The following ZPLD1 variants were observed in gnomAD, a reference collection of about 807,000 sequenced individuals.
ZPLD1 encodes the protein zona pellucida like domain containing 1.
Under a neutral mutation model 47.2 loss-of-function variants are expected in ZPLD1, and 34 were observed. The ratio of observed to expected loss-of-function variants is 0.72; its 90% CI spans 0.55 to 0.96. ZPLD1 has a LOEUF of 0.96. Ranked by LOEUF, ZPLD1 falls within the 40% of genes least tolerant of loss-of-function variation. The pLI, the probability that ZPLD1 is intolerant of heterozygous loss-of-function variation, is 0.00. For missense variants in ZPLD1, 512 were observed against 505.8 expected, an observed-to-expected ratio of 1.01 and a Z score of -0.12; for synonymous variants, 176 against 186.2, an observed-to-expected ratio of 0.95 and a Z score of 0.45.
chr3:102,460,051 A>G (rs1707482495), intron 6 of ZPLD1, among the ~76,000 whole-genome samples: 1 of 152,060 alleles, frequency 6.6e-6, no homozygotes, highest in Admixed American at 6.5e-5. Flanking sequence ...AAAATTAGTA[A>G]TTTACCCTAG....
At chr3:102,395,282 A>G (rs1706544601) in intron 7 of ZPLD1, among the ~76,000 whole-genome samples, 1 of 152,178 alleles carries the variant, frequency 6.6e-6, no homozygotes, top group Non-Finnish European at 1.5e-5. Context: ...ATATAAAAAT[A>G]TATATACGTA....
intron 3 of ZPLD1, among the ~76,000 whole-genome samples, chr3:102,451,220 A>G (rs998144566): frequency 1.3e-5 from 2 of 152,236 alleles, no homozygotes; most frequent in East Asian, 1.9e-4. Context: ...CTCTAAAGAG[A>G]TAATGCTATT....
At chr3:102,445,817 A>G (rs540223518) in intron 3 of ZPLD1, among the ~76,000 whole-genome samples, 3 of 152,364 alleles carry the variant, frequency 2.0e-5, no homozygotes, top group Admixed American at 2.0e-4. Context: ...ACTGTTAAAA[A>G]TTCATTTTTA....
At chr3:102,427,911 A>T (rs936287472) in intron 8 of ZPLD1, among the ~76,000 whole-genome samples, 6 of 152,196 alleles carry the variant, frequency 3.9e-5, no homozygotes, top group Admixed American at 1.3e-4. Context: ...CTACCCCTAG[A>T]TCATAAAGAT....
chr3:102,441,185 G>C (rs961584578), intron 3 of ZPLD1, among the ~76,000 whole-genome samples: 1 of 152,184 alleles, frequency 6.6e-6, no homozygotes, highest in African/African-American at 2.4e-5. Flanking sequence ...GATCTGACTG[G>C]TGTGGTAGTT....
At chr3:102,440,234 G>T (rs1000572836) in intron 3 of ZPLD1, among the ~76,000 whole-genome samples, 2 of 152,112 alleles carry the variant, frequency 1.3e-5, no homozygotes, top group African/African-American at 4.8e-5. Context: ...TTTGTTTTAG[G>T]AAGAGACATT....
chr3:102,451,293 C>T (rs1361431634), intron 3 of ZPLD1, among the ~76,000 whole-genome samples: 1 of 152,142 alleles, frequency 6.6e-6, no homozygotes, highest in African/African-American at 2.4e-5. Context: ...TGCTAAAAAA[C>T]TTGAATGAAA....
intron 2 of ZPLD1, among the ~76,000 whole-genome samples, chr3:102,438,024 A>C (rs1017185636): frequency 6.6e-6 from 1 of 152,212 alleles, no homozygotes; most frequent in Non-Finnish European, 1.5e-5. Flanking sequence ...TTATTTGGTC[A>C]TTAAGATTAT....
At chr3:102,447,256 G>C (rs1230580470) in intron 3 of ZPLD1, among the ~76,000 whole-genome samples, 2 of 152,000 alleles carry the variant, frequency 1.3e-5, no homozygotes, top group Admixed American at 6.6e-5. Flanking sequence ...AGTAGAAATG[G>C]GGTTTCACCA....
chr3:102,394,880 G>C (rs1489287208), intron 7 of ZPLD1, among the ~76,000 whole-genome samples: 1 of 152,138 alleles, frequency 6.6e-6, no homozygotes, highest in Non-Finnish European at 1.5e-5. Flanking sequence ...CTTTTTAAGA[G>C]GGTAGACTCT....
chr3:102,392,735 A>G (rs1706511486), intron 7 of ZPLD1, among the ~76,000 whole-genome samples: 1 of 152,140 alleles, frequency 6.6e-6, no homozygotes, highest in African/African-American at 2.4e-5. Context: ...CCACCTCTCA[A>G]TATTGCCACA....
upstream of ZPLD1, among the ~76,000 whole-genome samples, chr3:102,431,999 C>G (rs942745634): frequency 3.3e-5 from 5 of 152,196 alleles, no homozygotes; most frequent in Non-Finnish European, 1.5e-5. Flanking sequence ...CATCATGATT[C>G]TTAGCTGGGC....
intron 6 of ZPLD1, among the ~76,000 whole-genome samples, chr3:102,389,394 G>T (rs1197069194): frequency 6.6e-6 from 1 of 152,086 alleles, no homozygotes; most frequent in Non-Finnish European, 1.5e-5. Flanking sequence ...CTTTCTGTCA[G>T]ACTCCTCTAA....
chr3:102,419,321 T>C (rs1217853583), intron 8 of ZPLD1, among the ~76,000 whole-genome samples: 1 of 151,954 alleles, frequency 6.6e-6, no homozygotes, highest in African/African-American at 2.4e-5. Context: ...AGTTTCCCTA[T>C]GTAAGTTTTT....
intron 3 of ZPLD1, among the ~76,000 whole-genome samples, chr3:102,446,414 A>C (rs1471582057): frequency 6.6e-6 from 1 of 152,164 alleles, no homozygotes; most frequent in Admixed American, 6.5e-5. Context: ...AGCTATTACT[A>C]TTATTATTGA....
chr3:102,464,712 T>C (rs7619770), intron 8 of ZPLD1, among the ~76,000 whole-genome samples: 7,966 of 152,248 alleles, frequency 0.052, 603 homozygotes, highest in African/African-American at 0.17. Flanking sequence ...TATAAAACTA[T>C]AATATAACCT....
At chr3:102,398,172 G>T (rs1476239136) in intron 7 of ZPLD1, among the ~76,000 whole-genome samples, 1 of 151,956 alleles carries the variant, frequency 6.6e-6, no homozygotes, top group African/African-American at 2.4e-5. Flanking sequence ...CAAGGAAGGG[G>T]ATTTTTTTTG....
At chr3:102,396,985 A>T (rs1008212291) in intron 7 of ZPLD1, among the ~76,000 whole-genome samples, 5 of 152,132 alleles carry the variant, frequency 3.3e-5, no homozygotes, top group Admixed American at 2.0e-4. Context: ...TGCAGTGAGG[A>T]TTGTATGAAA....
At chr3:102,431,812 G>A (rs903073922), upstream of ZPLD1, among the ~76,000 whole-genome samples, 2 of 152,224 alleles carry the variant, frequency 1.3e-5, no homozygotes, top group African/African-American at 4.8e-5. Context: ...AGGAGGCTGA[G>A]GCAGGAGAAT....
Sources: allele counts gnomAD v4.1 joint callset (sites outside exome capture counted in the v4.1 genomes callset), GRCh38; gene constraint gnomAD v4.1.1; transcripts MANE v1.5; gene names NCBI Gene and HGNC (gene_info 2026-07-23, HGNC 2026-07-21).